The following RYR2 variants were observed in gnomAD, a reference collection of about 807,000 sequenced individuals.
RYR2 encodes the protein ryanodine receptor 2, also known as cardiac muscle ryanodine receptor-calcium release channel.
In RYR2, 227 loss-of-function variants were observed where a neutral mutation model predicts 601.1. The ratio of observed to expected loss-of-function variants is 0.38; its 90% confidence interval spans 0.34 to 0.42. RYR2 has a LOEUF of 0.42. Ranked by LOEUF, RYR2 falls within the 10% of genes least tolerant of loss-of-function variation. RYR2 has a pLI of 1.00. For missense variants in RYR2, 4,646 were observed against 6,156.5 expected, an observed-to-expected ratio of 0.75 and a Z score of 8.21; for synonymous variants, 2,223 against 2,175.1, an observed-to-expected ratio of 1.02 and a Z score of -0.61.
At chr1:237,479,370 A>G (rs1661772379) in intron 17 of RYR2, among the ~76,000 whole-genome samples, 1 of 152,206 alleles carries the variant, frequency 6.6e-6, no homozygotes. Flanking sequence ...CTTGCTAACT[A>G]CAACAACTAG....
At chr1:237,384,962 T>C (rs980401668) in intron 8 of RYR2, among the ~76,000 whole-genome samples, 15 of 152,190 alleles carry the variant, frequency 9.9e-5, no homozygotes, top group African/African-American at 3.6e-4. Flanking sequence ...TGATCTCGGC[T>C]CACTGCAAGC....
chr1:237,411,965 C>A (rs758960128), intron 10 of RYR2, among the ~76,000 whole-genome samples: 3 of 151,946 alleles, frequency 2.0e-5, no homozygotes, highest in Non-Finnish European at 4.4e-5. Context: ...TACTAAAGTC[C>A]ACTAATTAGA....
intron 7 of RYR2, among the ~76,000 whole-genome samples, chr1:237,375,732 T>C (rs1700977286): frequency 6.6e-6 from 1 of 152,244 alleles, no homozygotes; most frequent in Non-Finnish European, 1.5e-5. Flanking sequence ...GTACAGGCTC[T>C]ATCATTCCTC....
chr1:237,715,287 G>C (rs1256801780), intron 71 of RYR2, among the ~76,000 whole-genome samples: 1 of 152,170 alleles, frequency 6.6e-6, no homozygotes, highest in Non-Finnish European at 1.5e-5. Flanking sequence ...TGCATAGTTT[G>C]GGGAGGAAAT....
intron 38 of RYR2, among the ~76,000 whole-genome samples, chr1:237,619,872 A>G (rs1487521414): frequency 6.6e-6 from 1 of 152,164 alleles, no homozygotes; most frequent in Non-Finnish European, 1.5e-5. Context: ...CTCTTAAGGA[A>G]CGAAGGGGAA....
At chr1:237,250,005 G>A (rs911139462) in intron 1 of RYR2, among the ~76,000 whole-genome samples, 3 of 152,202 alleles carry the variant, frequency 2.0e-5, no homozygotes, top group African/African-American at 4.8e-5. Flanking sequence ...TTACAGAGTG[G>A]TTTACACTTT....
chr1:237,415,974 C>CT (rs1161385475), intron 10 of RYR2, among the ~76,000 whole-genome samples: 1 of 152,046 alleles, frequency 6.6e-6, no homozygotes, highest in African/African-American at 2.4e-5. Flanking sequence ...TTAATATTCT[C>CT]TTTACGTATA....
intron 25 of RYR2, among the ~76,000 whole-genome samples, chr1:237,541,294 A>G (rs531746510): frequency 6.6e-6 from 1 of 152,306 alleles, no homozygotes; most frequent in East Asian, 1.9e-4. Context: ...CCTGACAGTG[A>G]TAAATTAATT....
At chr1:237,467,986 G>A (rs1660273371) in intron 16 of RYR2, among the ~76,000 whole-genome samples, 1 of 151,592 alleles carries the variant, frequency 6.6e-6, no homozygotes, top group Admixed American at 6.6e-5. Context: ...AGCCTCCTGA[G>A]TAGCTGGGAT....
At chr1:237,364,224 GTTTTTTT>G (rs557950323) in intron 4 of RYR2, 127 bp from the exon 5 acceptor site, 16 of 693,854 alleles carry the variant, frequency 2.3e-5, no homozygotes. Flanking sequence ...CATGGTGAAT[GTTTTTTT>G]TTATGTTTAT....
chr1:237,300,754 C>A (rs1193600874), intron 2 of RYR2, among the ~76,000 whole-genome samples: 6 of 152,116 alleles, frequency 3.9e-5, no homozygotes, highest in Non-Finnish European at 2.9e-5. Flanking sequence ...TCAAAGCATA[C>A]CGGTGACCTT....
chr1:237,328,831 G>A (rs1242388755), intron 2 of RYR2, among the ~76,000 whole-genome samples: 1 of 152,122 alleles, frequency 6.6e-6, no homozygotes, highest in Non-Finnish European at 1.5e-5. Context: ...TTAAAACAGT[G>A]TAAATTGTAA....
At chr1:237,330,116 G>T (rs555069944) in intron 2 of RYR2, among the ~76,000 whole-genome samples, 1 of 152,106 alleles carries the variant, frequency 6.6e-6, no homozygotes, top group East Asian at 1.9e-4. Context: ...AAACTGAATG[G>T]TAAGTTAGAA....
intron 91 of RYR2, among the ~76,000 whole-genome samples, chr1:237,786,406 G>T (rs1657573174): frequency 6.6e-6 from 1 of 152,204 alleles, no homozygotes; most frequent in African/African-American, 2.4e-5. Context: ...CAAGAAGGGA[G>T]GAAACAAACA....
intron 17 of RYR2, among the ~76,000 whole-genome samples, chr1:237,472,500 A>G (rs1198252079): frequency 2.0e-5 from 3 of 152,206 alleles, no homozygotes; most frequent in Admixed American, 1.3e-4. Context: ...GGATTGCCTT[A>G]AAAAACAACA....
chr1:237,632,761 TAA>T (rs11296724), intron 42 of RYR2, among the ~76,000 whole-genome samples: 7 of 151,526 alleles, frequency 4.6e-5, no homozygotes, highest in Admixed American at 3.9e-4. Flanking sequence ...AATAGTATAA[TAA>T]AAAAAAACTT....
chr1:237,757,190 T>G (rs528037504), intron 81 of RYR2, among the ~76,000 whole-genome samples: 4 of 152,324 alleles, frequency 2.6e-5, no homozygotes, highest in African/African-American at 9.6e-5. Flanking sequence ...AATAAAATTT[T>G]GTTATTATCC....
At position 237,477,444 on chromosome 1, in the gene RYR2, T is replaced by C. The variant is rs192304427; in HGVS notation, c.1708+8257T>C. ...GCAGTGATGTGATTTGCACTGCACA[T>C]CCACCTGGCCTGTTTCTAGTCTCCT... On this transcript the variant is annotated intron_variant, in intron 17 of 104. Coordinates refer to ENST00000366574, the MANE Select transcript of RYR2 (RefSeq NM_001035.3). Among the ~76,000 whole-genome samples the C allele has an allele frequency of 2.2e-3, 332 of 152,142 alleles. 3 individuals are homozygous for C. The highest frequency in any genetic ancestry group is 7.7e-3 in the African/African-American group (318 of 41,436).
At chr1:237,452,074 ATT>A (rs66893159) in intron 14 of RYR2, among the ~76,000 whole-genome samples, 27 of 121,424 alleles carry the variant, frequency 2.2e-4, no homozygotes, top group African/African-American at 9.9e-4. Flanking sequence ...TATATATAAA[ATT>A]TTGTGTGTGT....
Sources: allele counts gnomAD v4.1 joint callset (sites outside exome capture counted in the v4.1 genomes callset), GRCh38; gene constraint gnomAD v4.1.1; transcripts MANE v1.5; gene names NCBI Gene and HGNC (gene_info 2026-07-23, HGNC 2026-07-21).